Variants in PRIM2 observed in about 807,000 individuals in gnomAD.
PRIM2 encodes DNA primase large subunit.
Under a neutral mutation model 67.3 loss-of-function variants are expected in PRIM2, and 39 were observed. That is an observed-to-expected ratio of 0.58 (90% CI 0.45 to 0.76). The LOEUF is 0.76. Among genes scored for constraint, PRIM2 ranks in the 30% least tolerant of loss-of-function variants. The pLI is 0.00. For missense variants in PRIM2, 398 were observed against 598.7 expected, an observed-to-expected ratio of 0.66 and a Z score of 3.50; for synonymous variants, 143 against 198.7, an observed-to-expected ratio of 0.72 and a Z score of 2.36.
the PRIM2 span, among the ~76,000 whole-genome samples, chr6:57,297,744 T>A: frequency 6.6e-6 from 1 of 152,206 alleles, no homozygotes; most frequent in Non-Finnish European, 1.5e-5. Context: ...AGGCACAACA[T>A]CTTCTCTTGG....
At chr6:57,642,435 C>CTTTTGTTTTT (rs1777256558) in intron 13 of PRIM2, among the ~76,000 whole-genome samples, 1 of 83,186 alleles carries the variant, frequency 1.2e-5, no homozygotes, top group African/African-American at 5.3e-5. Context: ...AATATTATAT[C>CTTTTGTTTTT]TTTTTTTTTT....
At chr6:57,620,438 C>T (rs1413598695) in intron 12 of PRIM2, among the ~76,000 whole-genome samples, 33 of 152,034 alleles carry the variant, frequency 2.2e-4, no homozygotes, top group Non-Finnish European at 2.2e-4. Context: ...AAACATCAGC[C>T]AAGAATTTTG....
At chr6:57,545,492 G>A (rs1243270484) in intron 10 of PRIM2, among the ~76,000 whole-genome samples, 2 of 152,194 alleles carry the variant, frequency 1.3e-5, no homozygotes, top group East Asian at 1.9e-4. Context: ...GTGCAGTGGC[G>A]TGATCTCAGC....
chr6:57,238,583 T>C, the PRIM2 span, among the ~76,000 whole-genome samples: 3 of 152,230 alleles, frequency 2.0e-5, no homozygotes, highest in Non-Finnish European at 4.4e-5. Flanking sequence ...GGGAAATTTA[T>C]AGCACTAAAT....
chr6:57,445,358 T>C (rs1288592881), intron 7 of PRIM2, among the ~76,000 whole-genome samples: 1 of 152,192 alleles, frequency 6.6e-6, no homozygotes, highest in Non-Finnish European at 1.5e-5. Context: ...CCTACTGATA[T>C]CTTCAGTTCT....
chr6:57,392,796 A>G (rs542225787), intron 7 of PRIM2, among the ~76,000 whole-genome samples: 1 of 151,970 alleles, frequency 6.6e-6, no homozygotes, highest in African/African-American at 2.4e-5. Flanking sequence ...AGTATACGCT[A>G]CACCATTATT....
the PRIM2 span, among the ~76,000 whole-genome samples, chr6:57,241,873 C>T: frequency 2.0e-5 from 3 of 151,956 alleles, no homozygotes; most frequent in Non-Finnish European, 2.9e-5. Flanking sequence ...GGGGTTTCAC[C>T]ATGTTAGCCA....
Position 57,537,614 on chromosome 6 carries a change from G to A in PRIM2, c.1009G>A (p.Asp337Asn). ...GCAAGAATTTATCAAAGGAAAGATGGATCCAGACAAGGTAATTTTGAAAAA... is the reference window on the plus strand; with the variant it reads ...GCAAGAATTTATCAAAGGAAAGATGAATCCAGACAAGGTAATTTTGAAAAA... The part of the protein sequence containing the change: ...WKQEFIKGKM[D>N]PDKFDKGYSY... The change falls in exon 10 of 14, where the codon GAT (aspartate) becomes AAT (asparagine). Residue 337 changes from aspartate to asparagine, a missense_variant. Physicochemically the swap from Asp to Asn is conservative, Grantham distance 23. Transcript: ENST00000615550. 1 of 1,521,654 alleles carries A rather than the reference G, an allele frequency of 6.6e-7. No individual in the cohort carries two copies. Among genetic ancestry groups the A allele is most frequent in the East Asian group, 2.3e-5 (1 of 43,220 alleles). 94.3% of individuals were successfully genotyped at this position (1,521,654 alleles called of 1,614,324 possible).
At chr6:57,526,583 C>T (rs1554349423) in intron 8 of PRIM2, among the ~76,000 whole-genome samples, 2 of 152,114 alleles carry the variant, frequency 1.3e-5, no homozygotes, top group Admixed American at 6.5e-5. Flanking sequence ...AAATGTTCTT[C>T]GGTCTTCTAT....
the PRIM2 span, among the ~76,000 whole-genome samples, chr6:57,263,377 C>T: frequency 1.3e-5 from 2 of 152,158 alleles, no homozygotes; most frequent in African/African-American, 4.8e-5. Flanking sequence ...AGGGAGAGTC[C>T]TTCCTTGCCC....
In PRIM2 at chr6:57,324,196, T is replaced by G. The variant is rs778652638; in HGVS notation, c.259-5T>G. ...TTATTTTATTCATGTGTCATTATTT[T>G]TAAGGAAAACTTAGAAGATGAATAT... On this transcript the variant is annotated splice_region_variant and splice_polypyrimidine_tract_variant and intron_variant, in intron 3 of 13. Coordinates refer to ENST00000615550, the MANE Select transcript of PRIM2 (RefSeq NM_000947.5). The G allele has an allele frequency of 5.9e-6, 9 of 1,532,162 alleles. No homozygotes were observed. The South Asian group carries it at 9.1e-5, about 16-fold the overall frequency. The allele number at this position is 1,532,162 out of a possible 1,614,324, so 94.9% of individuals were successfully genotyped here.
chr6:57,408,701 G>A (rs7772617), intron 7 of PRIM2, among the ~76,000 whole-genome samples: 2 of 151,756 alleles, frequency 1.3e-5, no homozygotes, highest in East Asian at 1.9e-4. Context: ...TTGTGCTTTC[G>A]ACATTCATCT....
At chr6:57,439,083 G>C (rs375874776) in intron 7 of PRIM2, among the ~76,000 whole-genome samples, 1,956 of 152,222 alleles carry the variant, frequency 0.013, 41 homozygotes, top group African/African-American at 0.043. Flanking sequence ...TTTTTGAGGA[G>C]TTCAGCAGTC....
chr6:57,303,780 T>C, the PRIM2 span, among the ~76,000 whole-genome samples: 1 of 152,096 alleles, frequency 6.6e-6, no homozygotes, highest in Admixed American at 6.6e-5. Flanking sequence ...CATGCCCAGC[T>C]AGTTTTGTTT....
chr6:57,226,910 A>C, the PRIM2 span, among the ~76,000 whole-genome samples: 4 of 152,224 alleles, frequency 2.6e-5, no homozygotes, highest in African/African-American at 9.6e-5. Context: ...CTAAGGGACT[A>C]GTTATAACCC....
intron 10 of PRIM2, 140 bp from the exon 11 acceptor site, chr6:57,600,953 A>C: frequency 1.5e-6 from 1 of 656,618 alleles, no homozygotes; most frequent in African/African-American, 1.9e-5. Context: ...TATACATGGC[A>C]TGAATGTACA....
At chr6:57,342,560 C>A (rs1768529126) in intron 5 of PRIM2, among the ~76,000 whole-genome samples, 1 of 152,188 alleles carries the variant, frequency 6.6e-6, no homozygotes, top group African/African-American at 2.4e-5. Flanking sequence ...TTAAAACCTC[C>A]TTAAGACAGT....
chr6:57,393,925 T>C (rs1291246824), intron 7 of PRIM2, among the ~76,000 whole-genome samples: 3 of 151,874 alleles, frequency 2.0e-5, no homozygotes, highest in Non-Finnish European at 4.4e-5. Flanking sequence ...GGGTGTCTTT[T>C]CCCCACTTTA....
the PRIM2 span, among the ~76,000 whole-genome samples, chr6:57,306,147 G>A: frequency 3.3e-5 from 5 of 152,172 alleles, no homozygotes; most frequent in South Asian, 2.1e-4. Context: ...ATTTCACTTC[G>A]TACCCCCACT....
Sources: gnomAD v4.1 joint callset for allele counts (sites outside exome capture counted in the v4.1 genomes callset) on GRCh38, gnomAD v4.1.1 for gene constraint, MANE v1.5 for transcripts, NCBI Gene and HGNC (gene_info 2026-07-23, HGNC 2026-07-21) for gene names.